TTC27: variants seen among roughly 807,000 people sequenced by gnomAD.
The protein encoded by TTC27 is tetratricopeptide repeat protein 27.
TTC27 carries 79 observed loss-of-function variants against 115.9 expected under a neutral mutation model. That is an observed-to-expected ratio of 0.68 (90% CI 0.57 to 0.82). The LOEUF is 0.82. Among genes scored for constraint, TTC27 ranks in the 40% least tolerant of loss-of-function variants. The probability of loss-of-function intolerance (pLI) is 0.00; values close to 1 mark genes in which losing one functional copy is unlikely to be tolerated. For missense variants in TTC27, 1,054 were observed against 993.1 expected, an observed-to-expected ratio of 1.06 and a Z score of -0.82; for synonymous variants, 401 against 356.0, an observed-to-expected ratio of 1.13 and a Z score of -1.42.
At chr2:32,714,785 A>G (rs1667701199) in intron 10 of TTC27, among the ~76,000 whole-genome samples, 1 of 151,628 alleles carries the variant, frequency 6.6e-6, no homozygotes, top group Admixed American at 6.6e-5. Flanking sequence ...CATTCTGACT[A>G]TTGTGAGATG....
intron 15 of TTC27, 118 bp from the exon 16 acceptor site, chr2:32,786,866 G>C: frequency 1.1e-6 from 1 of 917,120 alleles, no homozygotes; most frequent in Non-Finnish European, 1.6e-6. Context: ...AATTCTGTTT[G>C]TTTATATGAA....
chr2:32,679,790 C>T (rs1666352524), intron 9 of TTC27, among the ~76,000 whole-genome samples: 2 of 152,048 alleles, frequency 1.3e-5, no homozygotes, highest in Non-Finnish European at 2.9e-5. Flanking sequence ...ATCAGGGGTT[C>T]GGACCAGCCT....
rs143991598 is a variant in TTC27, at chr2:32,817,444, A to G, written c.2309-13A>G. ...CTTTTTAATGGATGTTTCTCTCCAT[A>G]CTTATCTTCCAGTGGCCATAAAATG... On this transcript the variant is annotated splice_polypyrimidine_tract_variant and intron_variant, in intron 18 of 19. Transcript: ENST00000317907. 316 of 1,606,344 alleles carry G rather than the reference A, an allele frequency of 2.0e-4. No homozygotes were observed. The African/African-American group carries it at 3.7e-3, about 19-fold the overall frequency.
intron 11 of TTC27, among the ~76,000 whole-genome samples, chr2:32,734,734 C>G (rs1306627617): frequency 6.6e-6 from 1 of 152,056 alleles, no homozygotes; most frequent in East Asian, 1.9e-4. Context: ...TGTTGATCAC[C>G]CAATCTACAT....
intron 3 of TTC27, among the ~76,000 whole-genome samples, chr2:32,639,369 A>G (rs1172447392): frequency 2.6e-5 from 4 of 152,066 alleles, no homozygotes; most frequent in Non-Finnish European, 5.9e-5. Flanking sequence ...ATCTCTGTAC[A>G]ACAGGAGAGT....
chr2:32,712,255 CAGA>C (rs1278274194), intron 10 of TTC27, among the ~76,000 whole-genome samples: 4 of 152,178 alleles, frequency 2.6e-5, no homozygotes, highest in South Asian at 2.1e-4. Flanking sequence ...ATAAGATCCA[CAGA>C]AGAAGAAGAA....
At chr2:32,698,852 A>G (rs912447386) in intron 9 of TTC27, among the ~76,000 whole-genome samples, 3 of 152,182 alleles carry the variant, frequency 2.0e-5, no homozygotes, top group African/African-American at 4.8e-5. Flanking sequence ...ACAAAAGCCT[A>G]TATAAACCCC....
At chr2:32,674,318 T>C (rs1666119749) in intron 8 of TTC27, among the ~76,000 whole-genome samples, 1 of 151,826 alleles carries the variant, frequency 6.6e-6, no homozygotes, top group Non-Finnish European at 1.5e-5. Context: ...ACCTGGCTAA[T>C]TTTTGTATTT....
intron 18 of TTC27, among the ~76,000 whole-genome samples, chr2:32,816,278 C>T (rs573555772): frequency 2.6e-5 from 4 of 151,650 alleles, no homozygotes; most frequent in Non-Finnish European, 5.9e-5. Flanking sequence ...GATTGTGTCA[C>T]TGCACTCCAG....
chr2:32,765,813 C>T (rs1669607300), intron 13 of TTC27, among the ~76,000 whole-genome samples: 1 of 152,218 alleles, frequency 6.6e-6, no homozygotes, highest in Non-Finnish European at 1.5e-5. Flanking sequence ...TTCCTTAAAC[C>T]TCATGAACCA....
chr2:32,815,520 G>T (rs1671474317), intron 18 of TTC27, among the ~76,000 whole-genome samples: 2 of 152,026 alleles, frequency 1.3e-5, no homozygotes, highest in African/African-American at 4.8e-5. Context: ...ATTTTCTGAT[G>T]ATTTGAAACA....
chr2:32,812,880 C>T (rs1317909176), intron 18 of TTC27, among the ~76,000 whole-genome samples: 1 of 152,128 alleles, frequency 6.6e-6, no homozygotes, highest in Non-Finnish European at 1.5e-5. Context: ...AGATGTGAAA[C>T]ATCTTTACAA....
At chr2:32,791,210 A>G (rs1452816873) in intron 16 of TTC27, among the ~76,000 whole-genome samples, 1 of 152,180 alleles carries the variant, frequency 6.6e-6, no homozygotes, top group Non-Finnish European at 1.5e-5. Flanking sequence ...TTGCAGACGA[A>G]TCCTCATATA....
chr2:32,659,083 GCCTCCTGAGTA>G lies in TTC27; in HGVS notation c.641-5216_641-5206del, dbSNP rs1572485136. On this transcript the variant is annotated intron_variant, in intron 5 of 19. Transcript: ENST00000317907. ...GGGTTCAAATGATCCTCCCGTCTCA[GCCTCCTGAGTA>G]CCTGGAATTACAGGCATGCTCCACC... Among the ~76,000 whole-genome samples the G allele has an allele frequency of 2.6e-5, 4 of 152,216 alleles. No homozygotes were observed. The East Asian group carries it at 7.7e-4, about 29-fold the overall frequency.
rs1310895645 is a variant in TTC27, at chr2:32,628,163, G to T, written c.-130G>T. 2 of 807,540 alleles carry T rather than the reference G, an allele frequency of 2.5e-6. No homozygotes were observed. Among genetic ancestry groups the T allele is most frequent in the East Asian group, 5.7e-5 (2 of 35,128 alleles). 50.0% of individuals were successfully genotyped at this position (807,540 alleles called of 1,614,324 possible). On this transcript the variant is annotated 5_prime_UTR_variant, in exon 1 of 20. Coordinates refer to ENST00000317907, the MANE Select transcript of TTC27 (RefSeq NM_017735.5). ...TATCCGCACATGGAATTCTAGGGCC[G>T]CAGGTGTATTTACGGTAACTGTCGC...
chr2:32,652,302 C>T (rs1423761493), intron 5 of TTC27, among the ~76,000 whole-genome samples: 2 of 151,898 alleles, frequency 1.3e-5, no homozygotes, highest in Non-Finnish European at 2.9e-5. Flanking sequence ...ACCCAGGAGG[C>T]GGAGGTTGCA....
At chr2:32,734,383 T>C (rs1451023655) in intron 11 of TTC27, among the ~76,000 whole-genome samples, 2 of 152,174 alleles carry the variant, frequency 1.3e-5, no homozygotes, top group Admixed American at 1.3e-4. Flanking sequence ...TTTGAAATAA[T>C]TTCTTATATT....
intron 4 of TTC27, among the ~76,000 whole-genome samples, chr2:32,642,114 C>T (rs1483026684): frequency 6.6e-6 from 1 of 152,118 alleles, no homozygotes. Context: ...ACCTCAGCCT[C>T]CCAAAGTGCT....
chr2:32,631,385 T>C (rs921127864), intron 2 of TTC27, among the ~76,000 whole-genome samples: 30 of 152,230 alleles, frequency 2.0e-4, no homozygotes, highest in African/African-American at 5.5e-4. Flanking sequence ...CTATTTATTA[T>C]GTTTTAGATT....
Sources: gnomAD v4.1 joint callset for allele counts (sites outside exome capture counted in the v4.1 genomes callset) on GRCh38, gnomAD v4.1.1 for gene constraint, MANE v1.5 for transcripts, NCBI Gene and HGNC (gene_info 2026-07-23, HGNC 2026-07-21) for gene names.